Variants in PFKFB3 observed in about 807,000 individuals in gnomAD.
The protein encoded by PFKFB3 is 6-phosphofructo-2-kinase/fructose-2,6-bisphosphatase 3.
Under a neutral mutation model 68.0 loss-of-function variants are expected in PFKFB3, and 33 were observed. The ratio of observed to expected loss-of-function variants is 0.49; its 90% CI spans 0.37 to 0.65. The LOEUF (loss-of-function observed/expected upper bound fraction) is 0.65, where lower values mean the gene tolerates loss of function less well. Among genes scored for constraint, PFKFB3 ranks in the 30% least tolerant of loss-of-function variants. PFKFB3 has a pLI of 0.00. For synonymous variants in PFKFB3, 315 were observed against 288.2 expected (o/e 1.09, Z -0.94); for missense variants, 586 against 712.2 (o/e 0.82, Z 2.02).
chr10:6,247,573 C>T (rs1846285798), intron 14 of PFKFB3, among the ~76,000 whole-genome samples: 1 of 152,218 alleles, frequency 6.6e-6, no homozygotes, highest in Non-Finnish European at 1.5e-5. Flanking sequence ...TCCCCTCTCC[C>T]CGCCAGCCCA....
the PFKFB3 span, chr10:6,326,423 G>T: frequency 4.9e-6 from 2 of 407,274 alleles, no homozygotes; most frequent in East Asian, 1.6e-4. Context: ...TGCACATCCT[G>T]CACATGTACC....
At chr10:6,317,208 A>G in the PFKFB3 span, among the ~76,000 whole-genome samples, 4 of 152,170 alleles carry the variant, frequency 2.6e-5, no homozygotes, top group East Asian at 7.7e-4. Context: ...CAAGAGTTAT[A>G]ACTCTAGCAA....
chr10:6,228,548 A>G lies in PFKFB3; in HGVS notation c.1515+2183A>G, dbSNP rs12357847. Among the ~76,000 whole-genome samples the G allele has an allele frequency of 0.32, 47,864 of 151,702 alleles. 7,719 individuals are homozygous for G. The highest frequency in any genetic ancestry group is 0.34 in the Admixed American group (5,138 of 15,242). The stretch of plus-strand genomic sequence containing the variant: ...GCTCGGCATAAATCCACATTTCCTT[A>G]TCAGAATCAGATCTTGGTGGCGAGC... On this transcript the variant is annotated intron_variant, in intron 14 of 14. Transcript: ENST00000379775. The surrounding 1 kb of genome is among the most constrained non-coding windows in gnomAD (Gnocchi z 4.5).
At chr10:6,261,585 G>A in the PFKFB3 span, among the ~76,000 whole-genome samples, 4 of 152,106 alleles carry the variant, frequency 2.6e-5, no homozygotes, top group Admixed American at 1.3e-4. Flanking sequence ...TGGGCTGGGC[G>A]TGGTGGCTCA....
rs1275630412 is a variant in PFKFB3, at chr10:6,210,337, TTTTTTTTTGTTTTTTTTTG to T, written c.77-3278_77-3260del. On this transcript the variant is annotated intron_variant, in intron 1 of 14. Transcript: ENST00000379775. ...AACACCTCAGGCGCCCCTCTCTTTG[TTTTTTTTTGTTTTTTTTTG>T]TTTTTTTGTTTTTTTTTTTTTTGAG... 4.2e-3 allele frequency among the ~76,000 whole-genome samples: 111 copies of T among 26,422 alleles called. 14 individuals are homozygous for T. The East Asian group carries it at 0.091, about 22-fold the overall frequency. 17.3% of individuals were successfully genotyped at this position (26,422 alleles called of 152,430 possible).
Position 6,228,743 on chromosome 10 carries a change from C to T in PFKFB3, c.1515+2378C>T, listed in dbSNP as rs79606823. ...AGCCTCTCCCTCCCCATGAGGACCC[C>T]CCACACCCCAAAAGAGCTCCGAGTG... On this transcript the variant is annotated intron_variant, in intron 14 of 14. Coordinates refer to ENST00000379775, the MANE Select transcript of PFKFB3 (RefSeq NM_004566.4). This position sits in a 1 kb window ranked among gnomAD's most constrained non-coding sequence, Gnocchi z 4.5. Among the ~76,000 whole-genome samples the T allele has an allele frequency of 2.7e-3, 406 of 152,284 alleles. 10 individuals are homozygous for T. In the East Asian group the frequency reaches 0.06, roughly 22 times the overall value.
At chr10:6,241,721 T>G (rs1214599507) in intron 14 of PFKFB3, among the ~76,000 whole-genome samples, 2 of 152,252 alleles carry the variant, frequency 1.3e-5, no homozygotes, top group Non-Finnish European at 2.9e-5. Flanking sequence ...AATATCCTGT[T>G]TCTCCTTAAT....
downstream of PFKFB3, among the ~76,000 whole-genome samples, chr10:6,258,974 C>T (rs1014155266): frequency 3.5e-4 from 54 of 152,170 alleles, no homozygotes; most frequent in African/African-American, 1.2e-3. Context: ...TAGCTTTGGG[C>T]AGAGAGAAAA....
At chr10:6,167,423 G>A (rs903581434) in intron 1 of PFKFB3, among the ~76,000 whole-genome samples, 8 of 152,212 alleles carry the variant, frequency 5.3e-5, no homozygotes, top group Non-Finnish European at 1.2e-4. Context: ...TGAATTAATA[G>A]CTTCATACTC....
At chr10:6,223,562 C>A (rs1164177545) in intron 11 of PFKFB3, among the ~76,000 whole-genome samples, 1 of 152,200 alleles carries the variant, frequency 6.6e-6, no homozygotes, top group Non-Finnish European at 1.5e-5. Flanking sequence ...CCCGACAGGG[C>A]TTCCGAGGGT....
chr10:6,222,893 C>T lies in PFKFB3; in HGVS notation c.1122C>T (p.Ile374=), dbSNP rs369277668. 11 of 1,613,894 alleles carry T rather than the reference C, an allele frequency of 6.8e-6. No individual in the cohort carries two copies. In the Admixed American group the frequency reaches 1.5e-4, roughly 22 times the overall value. The change falls in exon 11 of 15, where the codon ATC becomes ATT. Residue 374 remains isoleucine (I), a synonymous_variant. Transcript: ENST00000379775. ...QDLVQRLEPV[I]MELERQENVL... ...TGGTCCAGCGCTTGGAGCCAGTGAT[C>T]ATGGAGCTGGAGCGGCAGGAGAATG...
intron 1 of PFKFB3, 78 bp from the exon 2 acceptor site, chr10:6,213,545 G>A: frequency 6.7e-7 from 1 of 1,498,950 alleles, no homozygotes; most frequent in Non-Finnish European, 9.0e-7. Flanking sequence ...ATTCTTCAGT[G>A]TTATTGTTGG....
chr10:6,238,168 A>C (rs1348211541), downstream of PFKFB3, among the ~76,000 whole-genome samples: 1 of 151,396 alleles, frequency 6.6e-6, no homozygotes, highest in Non-Finnish European at 1.5e-5. Context: ...TTATTTATTT[A>C]TTTATTATTT....
intron 1 of PFKFB3, among the ~76,000 whole-genome samples, chr10:6,185,292 T>C (rs189669032): frequency 6.6e-6 from 1 of 152,324 alleles, no homozygotes; most frequent in Non-Finnish European, 1.5e-5. Flanking sequence ...ACAAGGCCCC[T>C]TGGGGTGGGC....
chr10:6,224,408 T>G lies in PFKFB3; in HGVS notation c.1341+195T>G, dbSNP rs75669856. The stretch of plus-strand genomic sequence containing the variant: ...TGTGGCTTCTGGGGCCTTCTCATTT[T>G]CTTTCTTCCTGTGTCCTCTTCCTCC... On this transcript the variant is annotated intron_variant, in intron 13 of 14. Coordinates refer to ENST00000379775, the MANE Select transcript of PFKFB3 (RefSeq NM_004566.4). The G allele has an allele frequency of 3.8e-3, 2,417 of 629,062 alleles. 11 individuals are homozygous for G. The highest frequency in any genetic ancestry group is 5.4e-3 in the Non-Finnish European group (1,912 of 351,520). 39.0% of individuals were successfully genotyped at this position (629,062 alleles called of 1,614,324 possible).
intron 1 of PFKFB3, among the ~76,000 whole-genome samples, chr10:6,159,564 T>A (rs1322896064): frequency 6.6e-6 from 1 of 150,560 alleles, no homozygotes; most frequent in Non-Finnish European, 1.5e-5. Flanking sequence ...TGGTGGTGCA[T>A]GCCTGTAATC....
chr10:6,219,994 G>T (rs944096550), intron 7 of PFKFB3, among the ~76,000 whole-genome samples: 3 of 152,112 alleles, frequency 2.0e-5, no homozygotes, highest in Non-Finnish European at 4.4e-5. Context: ...AGAAGTACAG[G>T]AAGTCAACAT....
chr10:6,166,233 C>G (rs1292078764), intron 1 of PFKFB3, among the ~76,000 whole-genome samples: 1 of 151,988 alleles, frequency 6.6e-6, no homozygotes, highest in Non-Finnish European at 1.5e-5. Flanking sequence ...CCGCCCGCCT[C>G]GGTCTCCCAG....
At chr10:6,191,508 G>A (rs904109242) in intron 1 of PFKFB3, among the ~76,000 whole-genome samples, 3 of 152,236 alleles carry the variant, frequency 2.0e-5, no homozygotes, top group African/African-American at 7.2e-5. Context: ...TTCTGAACTT[G>A]AGGTGCAGGA....
Sources: gnomAD v4.1 joint callset for allele counts (sites outside exome capture counted in the v4.1 genomes callset) on GRCh38, gnomAD v4.1.1 for gene constraint, Gnocchi (gnomAD v3.1) non-coding constraint, MANE v1.5 for transcripts, NCBI Gene and HGNC (gene_info 2026-07-23, HGNC 2026-07-21) for gene names.